Variants in PDHX observed in about 807,000 individuals in gnomAD.
PDHX encodes the protein pyruvate dehydrogenase protein X component, mitochondrial.
PDHX carries 33 observed loss-of-function variants against 55.3 expected under a neutral mutation model. The observed-to-expected ratio is 0.60, with a 90% CI of 0.45 to 0.80. PDHX has a LOEUF of 0.80. Ranked by LOEUF, PDHX falls within the 30% of genes least tolerant of loss-of-function variation. The pLI, the probability that PDHX is intolerant of heterozygous loss-of-function variation, is 0.00. For missense variants in PDHX, 622 were observed against 619.9 expected (o/e 1.00, Z -0.04); for synonymous variants, 226 against 219.4 (o/e 1.03, Z -0.27).
intron 1 of PDHX, among the ~76,000 whole-genome samples, chr11:34,930,073 G>T (rs553091233): frequency 2.6e-5 from 4 of 152,204 alleles, no homozygotes; most frequent in Admixed American, 2.0e-4. Flanking sequence ...GGGCCCTGAT[G>T]GCAAGAACAC....
intron 1 of PDHX, among the ~76,000 whole-genome samples, chr11:34,930,770 TC>T (rs370554244): frequency 3.6e-4 from 55 of 152,338 alleles, no homozygotes; most frequent in African/African-American, 1.3e-3. Flanking sequence ...CTTCTCTGGA[TC>T]CCCAGTTGAA....
intron 1 of PDHX, among the ~76,000 whole-genome samples, chr11:34,925,305 C>T (rs1404157890): frequency 1.3e-5 from 2 of 152,180 alleles, no homozygotes; most frequent in Non-Finnish European, 2.9e-5. Context: ...GGGTTGTTAC[C>T]TACCACTGGA....
At chr11:34,981,443 T>C (rs1345848928) in intron 8 of PDHX, among the ~76,000 whole-genome samples, 1 of 152,198 alleles carries the variant, frequency 6.6e-6, no homozygotes, top group Non-Finnish European at 1.5e-5. Context: ...CTATTGTGAA[T>C]AGTGCCACAA....
At chr11:34,934,121 A>G (rs916312038) in intron 2 of PDHX, among the ~76,000 whole-genome samples, 2 of 152,222 alleles carry the variant, frequency 1.3e-5, no homozygotes, top group East Asian at 1.9e-4. Context: ...TAGAAGAATC[A>G]TAGAACATCA....
upstream of PDHX, chr11:34,916,551 A>G: frequency 6.6e-7 from 1 of 1,515,832 alleles, no homozygotes; most frequent in South Asian, 1.2e-5. Flanking sequence ...TGAGAGACCT[A>G]AAGGCACCGC....
chr11:34,938,614 T>C (rs1854393255), intron 2 of PDHX, among the ~76,000 whole-genome samples: 1 of 152,222 alleles, frequency 6.6e-6, no homozygotes, highest in African/African-American at 2.4e-5. Context: ...CTTTTAGGGA[T>C]TATTTTAAAA....
Position 34,960,402 on chromosome 11 carries a change from T to G in PDHX, c.543-18T>G, listed in dbSNP as rs751867622. Reference sequence around the variant, plus strand: ...TAAGTGTTAATTGGTTCTATTAACCTTCATATTTTTTTCTTAGGTTCCGTT... The same window carrying G: ...TAAGTGTTAATTGGTTCTATTAACCGTCATATTTTTTTCTTAGGTTCCGTT... On this transcript the variant is annotated intron_variant, in intron 4 of 10. Coordinates refer to ENST00000227868, the MANE Select transcript of PDHX (RefSeq NM_003477.3). 6.5e-7 allele frequency: 1 copy of G among 1,537,216 alleles called. No individual in the cohort carries two copies. The highest frequency in any genetic ancestry group is 2.3e-5 in the East Asian group (1 of 44,374).
chr11:34,964,819 ATTAG>A (rs1400225074), intron 5 of PDHX, among the ~76,000 whole-genome samples: 3 of 143,678 alleles, frequency 2.1e-5, no homozygotes, highest in Non-Finnish European at 4.7e-5. Flanking sequence ...AATATTAGCT[ATTAG>A]CATAACTAAT....
chr11:34,947,464 T>A (rs997664939), intron 2 of PDHX, 42 bp from the exon 3 acceptor site: 1 of 1,262,470 alleles, frequency 7.9e-7, no homozygotes, highest in Non-Finnish European at 1.2e-6. Context: ...ATAGTAATAT[T>A]TATATTTTAA....
At chr11:34,940,313 T>C (rs1854443728) in intron 2 of PDHX, among the ~76,000 whole-genome samples, 1 of 152,122 alleles carries the variant, frequency 6.6e-6, no homozygotes, top group Non-Finnish European at 1.5e-5. Context: ...TTTCAAATAG[T>C]TTTTGTCTAA....
At chr11:34,980,910 C>G (rs1311795387) in intron 8 of PDHX, among the ~76,000 whole-genome samples, 1 of 152,104 alleles carries the variant, frequency 6.6e-6, no homozygotes, top group Non-Finnish European at 1.5e-5. Context: ...TTTTCAGTTT[C>G]TGTTTTTCAG....
intron 7 of PDHX, chr11:34,977,884 A>G: frequency 1.8e-6 from 1 of 551,130 alleles, no homozygotes; most frequent in South Asian, 1.6e-5. Context: ...AGCAATTTAA[A>G]AAATTGATAA....
At chr11:34,953,379 G>T (rs1174627176) in intron 3 of PDHX, among the ~76,000 whole-genome samples, 2 of 152,088 alleles carry the variant, frequency 1.3e-5, no homozygotes, top group Non-Finnish European at 2.9e-5. Flanking sequence ...AGCCTGCATC[G>T]CCAAGTCAAT....
At chr11:34,942,407 T>G (rs982325364) in intron 2 of PDHX, among the ~76,000 whole-genome samples, 7 of 152,230 alleles carry the variant, frequency 4.6e-5, no homozygotes, top group African/African-American at 1.7e-4. Context: ...TCCAGCCCCA[T>G]GACTTAAAAA....
At chr11:34,993,170 G>A (rs1855790708) in intron 10 of PDHX, among the ~76,000 whole-genome samples, 1 of 151,934 alleles carries the variant, frequency 6.6e-6, no homozygotes, top group South Asian at 2.1e-4. Context: ...TTAAAAAAAT[G>A]ATGTATAGTT....
intron 5 of PDHX, among the ~76,000 whole-genome samples, chr11:34,965,706 T>C (rs1855116305): frequency 6.6e-6 from 1 of 152,174 alleles, no homozygotes; most frequent in Admixed American, 6.5e-5. Flanking sequence ...AGGGGTCTTC[T>C]CAAATATGCT....
At chr11:34,941,186 AC>A (rs1391582948) in intron 2 of PDHX, among the ~76,000 whole-genome samples, 15 of 152,150 alleles carry the variant, frequency 9.9e-5, no homozygotes, top group Non-Finnish European at 4.4e-5. Flanking sequence ...TGGCCTAGCA[AC>A]CAGGTTGCCT....
Position 34,992,320 on chromosome 11 carries a change from A to G in PDHX, c.1188A>G (p.Leu396=), listed in dbSNP as rs200434738. 2,104 of 1,594,812 alleles carry G rather than the reference A, an allele frequency of 1.3e-3. 40 individuals are homozygous for G. The South Asian group carries it at 0.022, about 16-fold the overall frequency. ...TCTGTTTGTATTTTTCTCAGGCTCT[A>G]TCAAAGAAAGCAAGAGATGGAAAAT... is the stretch of plus-strand genomic sequence containing the variant. ...IQEIADSVKA[L]SKKARDGKLL... The change falls in exon 10 of 11, where the codon CTA becomes CTG. Residue 396 remains leucine (L), a synonymous_variant. Transcript: ENST00000227868.
chr11:34,916,350 G>A (rs762615901), upstream of PDHX: 67 of 1,590,596 alleles, frequency 4.2e-5, no homozygotes, highest in African/African-American at 8.2e-4. Flanking sequence ...GCTTAGCCTG[G>A]GATACGGCAG....
Sources: allele counts gnomAD v4.1 joint callset (sites outside exome capture counted in the v4.1 genomes callset), GRCh38; gene constraint gnomAD v4.1.1; transcripts MANE v1.5; gene names NCBI Gene and HGNC (gene_info 2026-07-23, HGNC 2026-07-21).